The following TCF3 variants were observed in gnomAD, a reference collection of about 807,000 sequenced individuals.
TCF3 encodes the protein transcription factor E2-alpha.
A neutral mutation model predicts 72.3 loss-of-function variants in TCF3; 54 were observed. The observed-to-expected ratio is 0.75, with a 90% CI of 0.60 to 0.94. The LOEUF (loss-of-function observed/expected upper bound fraction) is 0.94. Ranked by LOEUF, TCF3 falls within the 40% of genes least tolerant of loss-of-function variation. The pLI is 0.00. For synonymous variants in TCF3, 525 were observed against 412.6 expected, an observed-to-expected ratio of 1.27 and a Z score of -3.30; for missense variants, 1,078 against 934.4, an observed-to-expected ratio of 1.15 and a Z score of -2.00.
Position 1,619,091 on chromosome 19 carries a change from T to C in TCF3, c.1450+20A>G. 6.3e-7 allele frequency: 1 copy of C among 1,598,892 alleles called. No individual in the cohort carries two copies. The highest frequency in any genetic ancestry group is 8.5e-7 in the Non-Finnish European group (1 of 1,179,580). ...CCAACTGGAACCAGGAGTCGGACAG[T>C]CCCAAGCTCAAGGGCTTACCACTGT... On this transcript the variant is annotated intron_variant, in intron 16 of 18. Transcript: ENST00000262965.
chr19:1,637,182 C>T (rs1018093304), intron 3 of TCF3, among the ~76,000 whole-genome samples: 2 of 151,778 alleles, frequency 1.3e-5, no homozygotes, highest in Non-Finnish European at 2.9e-5. Flanking sequence ...ACAAGCTCCT[C>T]CCCCAGAACC....
intron 3 of TCF3, among the ~76,000 whole-genome samples, chr19:1,638,981 G>A (rs990981876): frequency 1.3e-5 from 2 of 152,326 alleles, no homozygotes; most frequent in East Asian, 3.9e-4. Context: ...GGAGCACAAA[G>A]ATCTGCCAAG....
intron 1 of TCF3, among the ~76,000 whole-genome samples, chr19:1,652,051 C>T (rs2067190278): frequency 6.7e-6 from 1 of 150,296 alleles, no homozygotes; most frequent in African/African-American, 2.4e-5. Context: ...TTAAAGTTTC[C>T]CGAAGTGCCC....
In TCF3 at chr19:1,619,412, G is replaced by A. The variant is rs1198319120; in HGVS notation, c.1230C>T (p.Gly410=). The part of the protein sequence containing the change: ...AIHVLRSHAV[G]TAGDMHTLLP... ...GCAGCGTGTGCATGTCGCCGGCTGT[G>A]CCCACGGCGTGGCTGCGGAGCACGT... Residue 410 remains glycine, a synonymous_variant, in exon 15 of 19, where the codon GGC becomes GGT. Transcript: ENST00000262965. 3.8e-6 allele frequency: 6 copies of A among 1,592,514 alleles called. No individual in the cohort carries two copies. The highest frequency in any genetic ancestry group is 1.1e-5 in the South Asian group (1 of 90,750).
chr19:1,644,572 C>G (rs1212292446), intron 3 of TCF3, among the ~76,000 whole-genome samples: 1 of 152,206 alleles, frequency 6.6e-6, no homozygotes, highest in African/African-American at 2.4e-5. Flanking sequence ...TGGGGCAGGG[C>G]CGGAGCACAG....
At chr19:1,634,448 G>A (rs1399722007) in intron 3 of TCF3, among the ~76,000 whole-genome samples, 3 of 152,330 alleles carry the variant, frequency 2.0e-5, no homozygotes, top group South Asian at 4.1e-4. Flanking sequence ...GCGCAGGGGC[G>A]CTGGGGAGAG....
intron 3 of TCF3, among the ~76,000 whole-genome samples, chr19:1,644,591 T>C (rs1292830562): frequency 6.6e-6 from 1 of 152,172 alleles, no homozygotes; most frequent in Non-Finnish European, 1.5e-5. Context: ...AGGGCGAGAC[T>C]CTGTGGGAAC....
intron 6 of TCF3, 74 bp downstream of exon 6, chr19:1,627,285 C>T: frequency 8.2e-7 from 1 of 1,217,944 alleles, no homozygotes; most frequent in Non-Finnish European, 1.1e-6. Flanking sequence ...AGGAGAGCTT[C>T]TGCAGATCAG....
chr19:1,619,003 C>T (rs1432491897), intron 16 of TCF3, 108 bp downstream of exon 16: 2 of 1,538,948 alleles, frequency 1.3e-6, no homozygotes, highest in Non-Finnish European at 1.7e-6. Context: ...ACCAGGTGCC[C>T]CCACGGTGAC....
intron 2 of TCF3, among the ~76,000 whole-genome samples, chr19:1,649,871 C>T (rs1399513737): frequency 1.3e-5 from 2 of 152,230 alleles, no homozygotes; most frequent in South Asian, 2.1e-4. Flanking sequence ...AGATCAAGGC[C>T]GCATTTTGCT....
Position 1,615,403 on chromosome 19 carries a change from G to A in TCF3, c.1704C>T (p.Ala568=). Residue 568 remains alanine (A), a synonymous_variant, in exon 18 of 19, where the codon GCC becomes GCT. Transcript: ENST00000262965. The surrounding 1 kb of genome is among the most constrained non-coding windows in gnomAD (Gnocchi z 7.3). The stretch of plus-strand genomic sequence containing the variant: ...GGCACATGCGCCCCAGCTCCTTAAA[G>A]GCCTCGTTGATGTCACGGACCCGCA... ...ERLRVRDINE[A]FKELGRMCQL... is the part of the protein sequence containing the mutation. 6 of 1,614,082 alleles carry A rather than the reference G, an allele frequency of 3.7e-6. No homozygotes were observed. Among genetic ancestry groups the A allele is most frequent in the Non-Finnish European group, 5.1e-6 (6 of 1,180,006 alleles).
chr19:1,646,032 G>A (rs1445228792), intron 3 of TCF3, among the ~76,000 whole-genome samples: 1 of 151,968 alleles, frequency 6.6e-6, no homozygotes, highest in African/African-American at 2.4e-5. Flanking sequence ...AGAAACGGAT[G>A]CTCGAGATCC....
intron 8 of TCF3, 61 bp downstream of exon 8, chr19:1,623,890 A>C: frequency 6.4e-7 from 1 of 1,555,532 alleles, no homozygotes; most frequent in Non-Finnish European, 8.8e-7. Flanking sequence ...CTTCGCCAGG[A>C]CACAGGGCCT....
At position 1,615,968 on chromosome 19, in the gene TCF3, T is replaced by C. The variant is rs190282418; in HGVS notation, c.1451-147A>G. On this transcript the variant is annotated intron_variant, in intron 16 of 18. Coordinates refer to ENST00000262965, the MANE Select transcript of TCF3 (RefSeq NM_003200.5). This position sits in a 1 kb window ranked among gnomAD's most constrained non-coding sequence, Gnocchi z 7.3. ...AAAACAAAAAACCAACAACCAGAAC[T>C]GGATCCCTACCTCACGCCATGTGTA... The C allele has an allele frequency of 8.9e-4, 837 of 943,128 alleles. 21 individuals are homozygous for C. The Admixed American group carries it at 0.023, about 26-fold the overall frequency. The allele number at this position is 943,128 out of a possible 1,614,324, so 58.4% of individuals were successfully genotyped here. A position where few individuals can be genotyped will look rare whatever the true frequency, so the allele number is the denominator to read the frequency against.
chr19:1,614,297 G>A lies in TCF3; in HGVS notation c.1822+988C>T, dbSNP rs2061330118. On this transcript the variant is annotated intron_variant, in intron 18 of 18. Coordinates refer to ENST00000262965, the MANE Select transcript of TCF3 (RefSeq NM_003200.5). The surrounding 1 kb of genome is among the most constrained non-coding windows in gnomAD (Gnocchi z 5.6). ...GACAAGCGCACAGACCAAACTGACAGGACCAGGGGCTGCGTGCTCCCGGGT... is the reference window on the plus strand; with the variant it reads ...GACAAGCGCACAGACCAAACTGACAAGACCAGGGGCTGCGTGCTCCCGGGT... Among the ~76,000 whole-genome samples, 3 of 152,230 alleles carry A rather than the reference G, an allele frequency of 2.0e-5. No individual in the cohort carries two copies. The highest frequency in any genetic ancestry group is 4.4e-5 in the Non-Finnish European group (3 of 68,032).
intron 11 of TCF3, 80 bp from the exon 12 acceptor site, chr19:1,621,271 T>C (rs2062170920): frequency 6.8e-7 from 1 of 1,464,298 alleles, no homozygotes; most frequent in African/African-American, 1.4e-5. Flanking sequence ...CGTTCTGCCG[T>C]CCTGCACAGA....
intron 1 of TCF3, chr19:1,650,855 C>G (rs1199970870): frequency 2.2e-5 from 5 of 230,830 alleles, no homozygotes; most frequent in Middle Eastern, 1.3e-3. Context: ...AGCTTCAAGA[C>G]TTAAAGTGCC....
chr19:1,610,580 T>C lies in TCF3; in HGVS notation c.*1127A>G. Reference sequence around the variant, plus strand: ...CAGGGTGTGGTCCCCATGCCAGGGGTCACTGGTCCCAACAAAATGCCCCAT... The same window carrying C: ...CAGGGTGTGGTCCCCATGCCAGGGGCCACTGGTCCCAACAAAATGCCCCAT... On this transcript the variant is annotated 3_prime_UTR_variant, in exon 19 of 19. Transcript: ENST00000262965. The C allele has an allele frequency of 4.3e-6, 1 of 231,526 alleles. No individual in the cohort carries two copies. 14.3% of individuals were successfully genotyped at this position (231,526 alleles called of 1,614,324 possible).
chr19:1,621,118 T>TGC lies in TCF3; in HGVS notation c.1014+13_1014+14dup. ...AGGTCACTTGCCTGGCCACCCCCCATGCCCCACGCCTCACCGAGGCCAGTG... is the reference window on the plus strand; with the variant it reads ...AGGTCACTTGCCTGGCCACCCCCCATGCGCCCCACGCCTCACCGAGGCCAGTG... On this transcript the variant is annotated intron_variant, in intron 12 of 18. Coordinates refer to ENST00000262965, the MANE Select transcript of TCF3 (RefSeq NM_003200.5). The TGC allele has an allele frequency of 6.5e-7, 1 of 1,532,618 alleles. No homozygotes were observed. The highest frequency in any genetic ancestry group is 1.4e-5 in the African/African-American group (1 of 72,854). 94.9% of individuals were successfully genotyped at this position (1,532,618 alleles called of 1,614,324 possible). A position where few individuals can be genotyped will look rare whatever the true frequency, so the allele number is the denominator to read the frequency against.
Sources: gnomAD v4.1 joint callset for allele counts (sites outside exome capture counted in the v4.1 genomes callset) on GRCh38, gnomAD v4.1.1 for gene constraint, Gnocchi (gnomAD v3.1) non-coding constraint, MANE v1.5 for transcripts, NCBI Gene and HGNC (gene_info 2026-07-23, HGNC 2026-07-21) for gene names.